Variants in LAMA4 observed in about 807,000 individuals in gnomAD.
LAMA4 encodes laminin subunit alpha 4, also known as laminin subunit alpha-4.
Under a neutral mutation model 207.1 loss-of-function variants are expected in LAMA4, and 127 were observed. The observed-to-expected ratio is 0.61, with a 90% CI of 0.53 to 0.71. The LOEUF is 0.71. Ranked by LOEUF, LAMA4 falls within the 30% of genes least tolerant of loss-of-function variation. LAMA4 has a pLI of 0.00. For synonymous variants in LAMA4, 761 were observed against 816.0 expected (o/e 0.93, Z 1.15); for missense variants, 2,093 against 2,246.5 (o/e 0.93, Z 1.38).
intron 2 of LAMA4, chr6:112,217,954 A>G (rs887639523): frequency 7.2e-5 from 11 of 152,342 alleles, no homozygotes; most frequent in African/African-American, 2.6e-4. Context: ...TGCAGTACAC[A>G]GATTGGTATC....
rs782630366 is a variant in LAMA4 at position 112,144,866 on chromosome 6, A to C, written c.2421T>G (p.Pro807=). ...GGATGCTGGCAGAAACGTTGCTTGCAGGTCGCTTCTGCTCAACCGTACGAA... is the reference window on the plus strand; with the variant it reads ...GGATGCTGGCAGAAACGTTGCTTGCCGGTCGCTTCTGCTCAACCGTACGAA... ...DQLRTVEQKR[P]ASNVSASIQR... The change falls in exon 19 of 39, where the codon CCT becomes CCG. Residue 807 remains proline, a synonymous_variant. Transcript: ENST00000230538. The C allele has an allele frequency of 6.2e-7, 1 of 1,614,086 alleles. No individual in the cohort carries two copies. The highest frequency in any genetic ancestry group is 1.7e-5 in the Admixed American group (1 of 60,030).
In LAMA4 at chr6:112,201,650, C is replaced by T. The variant is rs782230186; in HGVS notation, c.461G>A (p.Arg154Gln). ...ESCYRKNGAV[R>Q]CICNENYAGP... ...AGCATAATTTTCGTTACAAATGCAC[C>T]GAACAGCTCCATTTTTCCTATAGCA... is the stretch of plus-strand genomic sequence containing the variant. Residue 154 changes from arginine (R) to glutamine (Q), a missense_variant, in exon 5 of 39, where the codon CGG becomes CAG. By Grantham distance (43) the Arg-to-Gln change is conservative. Coordinates refer to ENST00000230538, the MANE Select transcript of LAMA4 (RefSeq NM_001105206.3). The T allele has an allele frequency of 2.5e-6, 4 of 1,613,882 alleles. No individual in the cohort carries two copies. Among genetic ancestry groups the T allele is most frequent in the East Asian group, 2.2e-5 (1 of 44,880 alleles).
chr6:112,158,584 C>G, intron 14 of LAMA4, 148 bp downstream of exon 14: 1 of 806,270 alleles, frequency 1.2e-6, no homozygotes, highest in Non-Finnish European at 2.1e-6. Context: ...AAGGAACCAA[C>G]CAACCAACCA....
At chr6:112,159,882 G>T (rs1780950010) in intron 13 of LAMA4, among the ~76,000 whole-genome samples, 1 of 152,016 alleles carries the variant, frequency 6.6e-6, no homozygotes, top group African/African-American at 2.4e-5. Flanking sequence ...ACCCTTCTTT[G>T]TCCTGGGAGC....
chr6:112,178,073 A>G (rs370550494), intron 10 of LAMA4, 48 bp downstream of exon 10: 21 of 1,306,040 alleles, frequency 1.6e-5, no homozygotes, highest in African/African-American at 1.5e-4. Flanking sequence ...TGTTAATAAC[A>G]TAAGTGTTTC....
intron 16 of LAMA4, among the ~76,000 whole-genome samples, chr6:112,153,024 A>C (rs1554336066): frequency 6.6e-6 from 1 of 152,076 alleles, no homozygotes; most frequent in African/African-American, 2.4e-5. Flanking sequence ...TTATAAGAAG[A>C]AATGTTTCAT....
chr6:112,143,146 T>C (rs1779805105), intron 19 of LAMA4, among the ~76,000 whole-genome samples: 3 of 152,200 alleles, frequency 2.0e-5, no homozygotes, highest in Non-Finnish European at 2.9e-5. Flanking sequence ...TATCTGAATC[T>C]TTCCAAATGA....
chr6:112,199,114 G>A (rs1562723804), intron 5 of LAMA4, among the ~76,000 whole-genome samples: 1 of 152,150 alleles, frequency 6.6e-6, no homozygotes, highest in Admixed American at 6.5e-5. Flanking sequence ...GCCTTACTGG[G>A]TAATGGCAGA....
In LAMA4 at chr6:112,189,187, C is replaced by G. The variant is rs782587495; in HGVS notation, c.737G>C (p.Gly246Ala). Residue 246 changes from glycine (G) to alanine (A), a missense_variant, in exon 7 of 39, where the codon GGC (glycine) becomes GCC (alanine). Transcript: ENST00000230538. Reference sequence around the variant, plus strand: ...TTCTCCGGTTACACTGTCACATGGGCCTCCCCCGCAGTTGCACACTGTGGG... The same window carrying G: ...TTCTCCGGTTACACTGTCACATGGGGCTCCCCCGCAGTTGCACACTGTGGG... ...KNCAVCNCGG[G>A]PCDSVTGECL... 5 of 1,613,928 alleles carry G rather than the reference C, an allele frequency of 3.1e-6. No homozygotes were observed. The highest frequency in any genetic ancestry group is 4.2e-6 in the Non-Finnish European group (5 of 1,179,840).
At chr6:112,128,511 A>G (rs1176846656) in intron 31 of LAMA4, among the ~76,000 whole-genome samples, 1 of 152,170 alleles carries the variant, frequency 6.6e-6, no homozygotes, top group African/African-American at 2.4e-5. Context: ...CTGTGTCTCT[A>G]TAGTATGGTA....
chr6:112,216,562 C>T, intron 2 of LAMA4, 93 bp from the exon 3 acceptor site: 1 of 813,150 alleles, frequency 1.2e-6, no homozygotes, highest in Non-Finnish European at 2.1e-6. Flanking sequence ...GATTATTAAA[C>T]AATCTAAACA....
intron 2 of LAMA4, among the ~76,000 whole-genome samples, chr6:112,224,249 A>G (rs1785078324): frequency 6.6e-6 from 1 of 151,788 alleles, no homozygotes; most frequent in South Asian, 2.1e-4. Context: ...TCCTCCAAGA[A>G]TATCCTCCCT....
At chr6:112,181,035 G>A (rs886406830) in intron 9 of LAMA4, among the ~76,000 whole-genome samples, 2 of 152,172 alleles carry the variant, frequency 1.3e-5, no homozygotes, top group Non-Finnish European at 2.9e-5. Context: ...CACGTCTCAG[G>A]ATGGAGCTTC....
At chr6:112,194,113 G>A (rs1336590456) in intron 5 of LAMA4, among the ~76,000 whole-genome samples, 2 of 152,210 alleles carry the variant, frequency 1.3e-5, no homozygotes, top group African/African-American at 2.4e-5. Context: ...TAGGCCTGCA[G>A]GTCCCTAAGC....
chr6:112,206,956 A>G (rs1784091160), intron 4 of LAMA4, 65 bp downstream of exon 4: 8 of 1,597,862 alleles, frequency 5.0e-6, no homozygotes, highest in African/African-American at 1.3e-5. Flanking sequence ...GCAAAACAAA[A>G]CAAAACAAAA....
rs137893207 is a variant in LAMA4, at chr6:112,158,876, G to T, written c.1673C>A (p.Ala558Glu). ...ATCTATTTCTGCATAAATCCCTGACGCATTCTAAAGAAAAAAATTTTAATA... is the reference window on the plus strand; with the variant it reads ...ATCTATTTCTGCATAAATCCCTGACTCATTCTAAAGAAAAAAATTTTAATA... ...LSELDDIIKNASGIYAEIDGA... is the reference protein window; with the variant it reads ...LSELDDIIKNESGIYAEIDGA... The change falls in exon 14 of 39, where the codon GCG (alanine) becomes GAG (glutamate). Residue 558 changes from alanine (A) to glutamate (E), a missense_variant. By Grantham distance (107) the Ala-to-Glu change is moderately radical. Around this residue, in one of 3 missense-constraint regions of LAMA4, gnomAD observed 1,704 missense variants for 1,788.4 expected, o/e 0.95. Coordinates refer to ENST00000230538, the MANE Select transcript of LAMA4 (RefSeq NM_001105206.3). 1.9e-6 allele frequency: 3 copies of T among 1,605,458 alleles called. No homozygotes were observed. Among genetic ancestry groups the T allele is most frequent in the East Asian group, 2.2e-5 (1 of 44,812 alleles).
chr6:112,121,928 G>C, intron 32 of LAMA4, 86 bp downstream of exon 32: 1 of 1,187,892 alleles, frequency 8.4e-7, no homozygotes, highest in Non-Finnish European at 1.3e-6. Context: ...AGAAAGGAAA[G>C]ATGGGAAAAA....
chr6:112,234,235 T>G (rs960571194), intron 2 of LAMA4: 1 of 152,186 alleles, frequency 6.6e-6, no homozygotes, highest in East Asian at 1.9e-4. Context: ...GAGGAACACT[T>G]GGTTTTGTGA....
At position 112,129,149 on chromosome 6, in the gene LAMA4, G is replaced by C. The variant is rs2157550; in HGVS notation, c.4134-74C>G. ...ATTACATGATGAATATTATGGAAGT[G>C]AAAGAGCTTTGGCAATTAAAATGTG... is the stretch of plus-strand genomic sequence containing the variant. On this transcript the variant is annotated intron_variant, in intron 30 of 38. Transcript: ENST00000230538. 1,003,572 of 1,346,948 alleles carry C rather than the reference G, an allele frequency of 0.75. 376,966 individuals carry two copies. The highest frequency in any genetic ancestry group is 0.86 in the East Asian group (35,071 of 40,642). 83.4% of individuals were successfully genotyped at this position (1,346,948 alleles called of 1,614,324 possible). A position where few individuals can be genotyped will look rare whatever the true frequency, so the allele number is the denominator to read the frequency against.
Sources: allele counts gnomAD v4.1 joint callset (sites outside exome capture counted in the v4.1 genomes callset), GRCh38; gene constraint gnomAD v4.1.1; regional missense constraint gnomAD v4.1.1; transcripts MANE v1.5; gene names NCBI Gene and HGNC (gene_info 2026-07-23, HGNC 2026-07-21).